GPHN: variants seen among roughly 807,000 people sequenced by gnomAD.
GPHN encodes gephyrin.
In GPHN, 17 loss-of-function variants were observed where a neutral mutation model predicts 95.5. The ratio of observed to expected loss-of-function variants is 0.18; its 90% CI spans 0.12 to 0.27. The LOEUF (loss-of-function observed/expected upper bound fraction) is 0.27, where lower values mean the gene tolerates loss of function less well. Ranked by LOEUF, GPHN falls within the 10% of genes least tolerant of loss-of-function variation. GPHN has a pLI of 1.00. For missense variants in GPHN, 660 were observed against 978.1 expected (o/e 0.67, Z 4.34); for synonymous variants, 320 against 322.5 (o/e 0.99, Z 0.08).
chr14:67,656,626 C>A, the GPHN span: 2 of 1,569,214 alleles, frequency 1.3e-6, no homozygotes, highest in Admixed American at 1.8e-5. Flanking sequence ...TAGACTTTTT[C>A]CATTATAAAT....
intron 11 of GPHN, among the ~76,000 whole-genome samples, chr14:67,078,634 T>C (rs2076582161): frequency 6.6e-6 from 1 of 152,144 alleles, no homozygotes. Context: ...TACTATTATA[T>C]TCTCTTTACA....
chr14:67,311,702 C>T, the GPHN span, among the ~76,000 whole-genome samples: 1 of 152,258 alleles, frequency 6.6e-6, no homozygotes, highest in East Asian at 1.9e-4. Flanking sequence ...GAGTTACTAC[C>T]TGCCCTTAAT....
chr14:66,933,118 A>C (rs74553755), intron 8 of GPHN, among the ~76,000 whole-genome samples: 2,295 of 152,330 alleles, frequency 0.015, 32 homozygotes, highest in Non-Finnish European at 0.018. Flanking sequence ...AAGTAGACTC[A>C]CATGTTTATG....
Position 66,965,197 on chromosome 14 carries a change from G to A in GPHN, c.835G>A (p.Asp279Asn). The A allele has an allele frequency of 6.2e-7, 1 of 1,611,726 alleles. No homozygotes were observed. Among genetic ancestry groups the A allele is most frequent in the Non-Finnish European group, 8.5e-7 (1 of 1,177,930 alleles). Residue 279 changes from aspartate to asparagine, a missense_variant, in exon 9 of 23, where the codon GAC becomes AAC. Around this residue, in one of 6 missense-constraint regions of GPHN, gnomAD observed 190 missense variants for 224.7 expected, o/e 0.85. Transcript: ENST00000478722. Reference protein sequence around the residue: ...SHHSTDERIPDSIISRGVQVL... With the variant: ...SHHSTDERIPNSIISRGVQVL... ...AGTTGTTCCCCTTGTTCAGATTCCA[G>A]ACTCCATCATTTCTCGTGGTGTTCA...
In GPHN at chr14:66,549,544, A is replaced by C. The variant is rs147138016; in HGVS notation, c.64+40953A>C. Among the ~76,000 whole-genome samples, 456 of 152,338 alleles carry C rather than the reference A, an allele frequency of 3.0e-3. 3 individuals are homozygous for C. The highest frequency in any genetic ancestry group is 0.011 in the African/African-American group (438 of 41,564). On this transcript the variant is annotated intron_variant, in intron 1 of 22. Transcript: ENST00000478722. ...TAAGAAAAGAAGCCATTTCCATTAC[A>C]TGAAAATGCAAAGTGAAGCAGAAAG...
At chr14:67,500,746 T>C in the GPHN span, among the ~76,000 whole-genome samples, 2 of 151,696 alleles carry the variant, frequency 1.3e-5, no homozygotes, top group Non-Finnish European at 2.9e-5. Flanking sequence ...TAATTTTTTG[T>C]ATTTTTACTA....
chr14:67,582,365 G>C, the GPHN span: 1 of 1,282,498 alleles, frequency 7.8e-7, no homozygotes, highest in Non-Finnish European at 1.1e-6. This position sits in a 1 kb window ranked among gnomAD's most constrained non-coding sequence, Gnocchi z 5.0. Context: ...GACTTCTACA[G>C]ATCAGAGCTC....
chr14:67,373,366 A>G, the GPHN span, among the ~76,000 whole-genome samples: 3 of 152,196 alleles, frequency 2.0e-5, no homozygotes, highest in South Asian at 6.2e-4. Flanking sequence ...AGAATCTGAA[A>G]TAAAATCAGT....
intron 9 of GPHN, among the ~76,000 whole-genome samples, chr14:66,987,284 C>A (rs1458530047): frequency 6.6e-6 from 1 of 151,882 alleles, no homozygotes; most frequent in African/African-American, 2.4e-5. Context: ...AGGTACAGAA[C>A]GACATGACTT....
chr14:66,677,164 G>C (rs1055697603), intron 1 of GPHN, among the ~76,000 whole-genome samples: 3 of 151,854 alleles, frequency 2.0e-5, no homozygotes, highest in African/African-American at 7.2e-5. Context: ...TTACTTATTT[G>C]AGTCTTCCTT....
intron 1 of GPHN, among the ~76,000 whole-genome samples, chr14:66,649,011 A>C (rs1255357902): frequency 6.6e-6 from 1 of 152,130 alleles, no homozygotes; most frequent in Admixed American, 6.6e-5. Context: ...TTACAATGAA[A>C]GTATGTTTGG....
intron 9 of GPHN, among the ~76,000 whole-genome samples, chr14:66,988,891 T>G (rs2071206530): frequency 1.3e-5 from 2 of 152,030 alleles, no homozygotes; most frequent in Admixed American, 1.3e-4. Flanking sequence ...TGGTATCCGA[T>G]TTACTTCTCA....
the GPHN span, chr14:67,333,873 A>C: frequency 6.6e-6 from 1 of 152,600 alleles, no homozygotes; most frequent in African/African-American, 2.4e-5. Context: ...AGGATAGCAC[A>C]TTTGACAGTT....
the GPHN span, chr14:67,382,646 C>G: frequency 1.3e-6 from 2 of 1,592,816 alleles, no homozygotes; most frequent in Non-Finnish European, 1.7e-6. Context: ...AAAAGGAGTT[C>G]TTGTAGGTAA....
At chr14:67,189,888 T>C in the GPHN span, 1 of 141,102 alleles carries the variant, frequency 7.1e-6, no homozygotes, top group Non-Finnish European at 1.5e-5. Flanking sequence ...TCACCCAGGC[T>C]GGAGTGCAAT....
At chr14:67,634,155 C>T in the GPHN span, among the ~76,000 whole-genome samples, 1 of 152,180 alleles carries the variant, frequency 6.6e-6, no homozygotes, top group Non-Finnish European at 1.5e-5. Flanking sequence ...ATTCACATCA[C>T]AACCCTTGAT....
chr14:67,700,892 G>A, the GPHN span, among the ~76,000 whole-genome samples: 1 of 151,030 alleles, frequency 6.6e-6, no homozygotes, highest in African/African-American at 2.4e-5. Context: ...GGGCACGGCG[G>A]CGAATGCCTC....
chr14:66,856,944 G>A (rs1476903248), intron 4 of GPHN, among the ~76,000 whole-genome samples: 1 of 151,854 alleles, frequency 6.6e-6, no homozygotes, highest in Non-Finnish European at 1.5e-5. Context: ...AAACTAGAAT[G>A]AAAGAAAAAT....
At chr14:67,667,374 T>C in the GPHN span, among the ~76,000 whole-genome samples, 4 of 152,116 alleles carry the variant, frequency 2.6e-5, no homozygotes, top group Non-Finnish European at 5.9e-5. Flanking sequence ...CACCCTTTAT[T>C]TGTACACCGT....
Sources: gnomAD v4.1 joint callset for allele counts (sites outside exome capture counted in the v4.1 genomes callset) on GRCh38, gnomAD v4.1.1 for gene constraint, gnomAD v4.1.1 regional missense constraint, Gnocchi (gnomAD v3.1) non-coding constraint, MANE v1.5 for transcripts, NCBI Gene and HGNC (gene_info 2026-07-23, HGNC 2026-07-21) for gene names.